The following INPP4B variants were observed in gnomAD, a reference collection of about 807,000 sequenced individuals.
INPP4B encodes inositol polyphosphate-4-phosphatase type II B, also known as inositol polyphosphate 4-phosphatase type II.
INPP4B carries 55 observed loss-of-function variants against 122.5 expected under a neutral mutation model. The ratio of observed to expected loss-of-function variants is 0.45; its 90% confidence interval spans 0.36 to 0.56. The LOEUF is 0.56. Among genes scored for constraint, INPP4B ranks in the 20% least tolerant of loss-of-function variants. The pLI is 0.00. For missense variants in INPP4B, 1,000 were observed against 1,097.7 expected, an observed-to-expected ratio of 0.91 and a Z score of 1.26; for synonymous variants, 403 against 388.7, an observed-to-expected ratio of 1.04 and a Z score of -0.43.
Position 142,429,192 on chromosome 4 carries a change from C to T in INPP4B, c.117G>A (p.Pro39=), listed in dbSNP as rs747909970. ...FTSIQKTPNE[P]QLEFILACKD... is the part of the protein sequence containing the mutation. ...TCTTACCAAGGATGAATTCCAACTG[C>T]GGTTCATTTGGAGTCTTCTGGATAC... The change falls in exon 5 of 26, where the codon CCG becomes CCA. Residue 39 remains proline (P), a synonymous_variant. Transcript: ENST00000262992. 70 of 1,566,002 alleles carry T rather than the reference C, an allele frequency of 4.5e-5. 1 individual carries two copies. Among genetic ancestry groups the T allele is most frequent in the Middle Eastern group, 1.7e-4 (1 of 5,924 alleles).
intron 2 of INPP4B, among the ~76,000 whole-genome samples, chr4:142,552,068 G>T (rs1728111676): frequency 6.6e-6 from 1 of 152,096 alleles, no homozygotes; most frequent in Non-Finnish European, 1.5e-5. Context: ...AGAGTCCTGG[G>T]ATTTCTACCA....
intron 1 of INPP4B, among the ~76,000 whole-genome samples, chr4:142,782,185 A>G (rs1450179870): frequency 2.0e-5 from 3 of 150,980 alleles, no homozygotes; most frequent in East Asian, 3.9e-4. Context: ...TCCTGTGTCC[A>G]TGTGTTCTCA....
intron 1 of INPP4B, among the ~76,000 whole-genome samples, chr4:142,832,213 A>G (rs1782231812): frequency 6.6e-6 from 1 of 152,224 alleles, no homozygotes; most frequent in African/African-American, 2.4e-5. Flanking sequence ...CGCACATAAA[A>G]TGACCGTGTA....
chr4:142,174,970 C>A (rs992292782), intron 15 of INPP4B, among the ~76,000 whole-genome samples: 1 of 151,940 alleles, frequency 6.6e-6, no homozygotes, highest in African/African-American at 2.4e-5. Context: ...ATTATGGGAG[C>A]AGGGATTCTT....
At position 142,309,941 on chromosome 4, in the gene INPP4B, T is replaced by C. The variant is rs543677457; in HGVS notation, c.424-4404A>G. Among the ~76,000 whole-genome samples, 131 of 152,236 alleles carry C rather than the reference T, an allele frequency of 8.6e-4. 1 individual carries two copies. Among genetic ancestry groups the C allele is most frequent in the African/African-American group, 2.9e-3 (121 of 41,564 alleles). ...GTAACCCACCAGCCCCTGCAGCCAC[T>C]CCGAGCAAGTCACAGATATCCAGAC... is the stretch of plus-strand genomic sequence containing the variant. On this transcript the variant is annotated intron_variant, in intron 8 of 25. Coordinates refer to ENST00000262992, the MANE Select transcript of INPP4B (RefSeq NM_001101669.3).
At chr4:142,154,392 C>T (rs1261143830) in intron 17 of INPP4B, among the ~76,000 whole-genome samples, 1 of 152,124 alleles carries the variant, frequency 6.6e-6, no homozygotes, top group Non-Finnish European at 1.5e-5. Flanking sequence ...TAGTCATGAC[C>T]TTAGCTTTGG....
At chr4:142,109,614 T>C (rs336334) in intron 22 of INPP4B, among the ~76,000 whole-genome samples, 149,928 of 152,272 alleles carry the variant, frequency 0.98, 73,861 homozygotes, top group Middle Eastern at 1. Flanking sequence ...GTCTTACTTT[T>C]CTTGATAGCT....
intron 7 of INPP4B, among the ~76,000 whole-genome samples, chr4:142,401,101 C>G (rs766385671): frequency 1.2e-4 from 19 of 152,072 alleles, no homozygotes; most frequent in Admixed American, 5.2e-4. Context: ...ACGTAAAATC[C>G]TATAGTTTCT....
In INPP4B at chr4:142,295,613, C is replaced by A. The variant is rs150455791; in HGVS notation, c.503+9845G>T. On this transcript the variant is annotated intron_variant, in intron 9 of 25. Transcript: ENST00000262992. ...GTTGATAAGTATTCCATGATGAAAG[C>A]TTCTTGCATTCAAATTAATTTAAGA... Among the ~76,000 whole-genome samples, 300 of 152,262 alleles carry A rather than the reference C, an allele frequency of 2.0e-3. 1 individual carries two copies. Among genetic ancestry groups the A allele is most frequent in the Non-Finnish European group, 3.1e-3 (211 of 68,014 alleles).
intron 2 of INPP4B, among the ~76,000 whole-genome samples, chr4:142,610,024 AT>A (rs1162631037): frequency 6.6e-6 from 1 of 152,050 alleles, no homozygotes; most frequent in Non-Finnish European, 1.5e-5. Context: ...GAGGATATAG[AT>A]TTTTTTATGT....
At chr4:142,405,125 G>T (rs1579970607) in intron 6 of INPP4B, 81 bp downstream of exon 6, 1 of 690,142 alleles carries the variant, frequency 1.4e-6, no homozygotes, top group East Asian at 2.9e-5. Flanking sequence ...GGGTGGGGGG[G>T]AGGGAGAGAG....
At chr4:142,295,635 A>G (rs1385658161) in intron 9 of INPP4B, among the ~76,000 whole-genome samples, 6 of 152,186 alleles carry the variant, frequency 3.9e-5, no homozygotes, top group Non-Finnish European at 7.3e-5. Flanking sequence ...AAATTAATTT[A>G]AGAAAAGCTG....
rs1824534481 is a variant in INPP4B, at chr4:142,510,183, C to T, written c.-190-47457G>A. 2.6e-5 allele frequency among the ~76,000 whole-genome samples: 4 copies of T among 152,294 alleles called. No homozygotes were observed. In the South Asian group the frequency reaches 8.3e-4, roughly 32 times the overall value. On this transcript the variant is annotated intron_variant, in intron 2 of 25. Coordinates refer to ENST00000262992, the MANE Select transcript of INPP4B (RefSeq NM_001101669.3). ...TTCTATATAGAATAATTAACTGCCA[C>T]TTTGCCATTATCTGCTTTAGAGGTT...
intron 9 of INPP4B, among the ~76,000 whole-genome samples, chr4:142,284,329 G>A (rs774066669): frequency 6.6e-6 from 1 of 152,118 alleles, no homozygotes; most frequent in Non-Finnish European, 1.5e-5. Flanking sequence ...AATGACATAA[G>A]TGCTGGAATA....
intron 16 of INPP4B, among the ~76,000 whole-genome samples, chr4:142,172,380 T>A (rs1166332465): frequency 5.3e-5 from 8 of 151,938 alleles, no homozygotes; most frequent in Admixed American, 3.3e-4. Context: ...ATAATTCTGA[T>A]GATTAAATAA....
intron 1 of INPP4B, among the ~76,000 whole-genome samples, chr4:142,756,962 A>C (rs1022706980): frequency 6.6e-6 from 1 of 152,138 alleles, no homozygotes; most frequent in African/African-American, 2.4e-5. Context: ...ACCGTTCCCA[A>C]ATCTGGTACA....
chr4:142,633,956 G>A (rs988762468), intron 2 of INPP4B, among the ~76,000 whole-genome samples: 1 of 151,830 alleles, frequency 6.6e-6, no homozygotes, highest in Non-Finnish European at 1.5e-5. Flanking sequence ...AGCCCAGGAG[G>A]TTGAGGCTCT....
At chr4:142,205,119 T>G (rs1436293161) in intron 14 of INPP4B, among the ~76,000 whole-genome samples, 1 of 152,122 alleles carries the variant, frequency 6.6e-6, no homozygotes, top group African/African-American at 2.4e-5. Context: ...TTTTACTCTA[T>G]TTTTCAGATG....
chr4:142,074,984 C>A (rs960741936), intron 25 of INPP4B, among the ~76,000 whole-genome samples: 4 of 151,916 alleles, frequency 2.6e-5, no homozygotes, highest in Admixed American at 2.0e-4. Flanking sequence ...TTCTTTTTAT[C>A]CTCTGAGCCA....
Sources: gnomAD v4.1 joint callset for allele counts (sites outside exome capture counted in the v4.1 genomes callset) on GRCh38, gnomAD v4.1.1 for gene constraint, MANE v1.5 for transcripts, NCBI Gene and HGNC (gene_info 2026-07-23, HGNC 2026-07-21) for gene names.